The following RELL1 variants were observed in gnomAD, a reference collection of about 807,000 sequenced individuals.
The protein encoded by RELL1 is RELT like 1, also known as RELT-like protein 1.
In RELL1, 10 loss-of-function variants were observed where a neutral mutation model predicts 23.0. That is an observed-to-expected ratio of 0.43 (90% CI 0.27 to 0.74). RELL1 has a LOEUF of 0.74. RELL1 is among the 30% of genes least tolerant of loss of function. The pLI, the probability that RELL1 is intolerant of heterozygous loss-of-function variation, is 0.19. For missense variants in RELL1, 315 were observed against 364.4 expected (o/e 0.86, Z 1.10); for synonymous variants, 146 against 146.8 (o/e 0.99, Z 0.04).
intron 1 of RELL1, among the ~76,000 whole-genome samples, chr4:37,684,084 A>G (rs1292381028): frequency 6.6e-6 from 1 of 152,210 alleles, no homozygotes; most frequent in Non-Finnish European, 1.5e-5. Flanking sequence ...TCAAAAAGAA[A>G]AAAATAAATA....
intron 6 of RELL1, among the ~76,000 whole-genome samples, chr4:37,625,703 C>G (rs1247432136): frequency 6.6e-6 from 1 of 151,972 alleles, no homozygotes; most frequent in Non-Finnish European, 1.5e-5. Context: ...AATATGGTGG[C>G]TACAGTTAAT....
intron 4 of RELL1, among the ~76,000 whole-genome samples, chr4:37,635,572 G>A (rs375684093): frequency 6.6e-6 from 1 of 152,086 alleles, no homozygotes; most frequent in South Asian, 2.1e-4. Flanking sequence ...GGTTGCAGTA[G>A]CTATGATTGT....
chr4:37,604,706 A>C (rs1719106083), intron 6 of RELL1, among the ~76,000 whole-genome samples: 1 of 152,004 alleles, frequency 6.6e-6, no homozygotes, highest in South Asian at 2.1e-4. Flanking sequence ...GAGCTGACTT[A>C]AGAAACTTTG....
Position 37,686,361 on chromosome 4 carries a change from G to C in RELL1, c.-74C>G, listed in dbSNP as rs528999720. The C allele has an allele frequency of 1.1e-5, 13 of 1,223,084 alleles. No individual in the cohort carries two copies. The East Asian group carries it at 2.5e-4, about 24-fold the overall frequency. 75.8% of individuals were successfully genotyped at this position (1,223,084 alleles called of 1,614,324 possible). A position where few individuals can be genotyped will look rare whatever the true frequency, so the allele number is the denominator to read the frequency against. On this transcript the variant is annotated 5_prime_UTR_variant, in exon 1 of 7. Coordinates refer to ENST00000454158, the MANE Select transcript of RELL1 (RefSeq NM_001085400.2). ...GGGAAGGCAGAGCCGCTCCGGAGCC[G>C]GCGGGCTGATCGAGTGGCTGGGCTG...
At chr4:37,588,939 G>A, downstream of RELL1, 1 of 1,514,212 alleles carries the variant, frequency 6.6e-7, no homozygotes, top group Admixed American at 1.7e-5. Flanking sequence ...GGAGGAATTT[G>A]TGATGAGCGT....
At chr4:37,632,085 A>G (rs1244642730) in intron 5 of RELL1, among the ~76,000 whole-genome samples, 1 of 17,342 alleles carries the variant, frequency 5.8e-5, no homozygotes, top group Non-Finnish European at 1.1e-4. Context: ...CTCAATAAGG[A>G]AAAAAAAAAA....
chr4:37,596,736 A>ATATTT (rs1365185216), intron 6 of RELL1, among the ~76,000 whole-genome samples: 1 of 16,508 alleles, frequency 6.1e-5, no homozygotes, highest in Non-Finnish European at 1.5e-4. Flanking sequence ...ATATATATAT[A>ATATTT]TTTTTTTTTT....
At chr4:37,633,819 A>C (rs1244817378) in intron 5 of RELL1, among the ~76,000 whole-genome samples, 2 of 152,224 alleles carry the variant, frequency 1.3e-5, no homozygotes, top group Non-Finnish European at 2.9e-5. Flanking sequence ...CTCACTTTAC[A>C]GAGGGGGAAA....
chr4:37,604,503 A>G (rs1429717594), intron 6 of RELL1, among the ~76,000 whole-genome samples: 1 of 152,096 alleles, frequency 6.6e-6, no homozygotes, highest in Non-Finnish European at 1.5e-5. Context: ...TTTCAAGGAC[A>G]TACACACGCG....
chr4:37,671,880 C>T (rs1721846820), intron 1 of RELL1, among the ~76,000 whole-genome samples: 1 of 151,894 alleles, frequency 6.6e-6, no homozygotes. Flanking sequence ...TTTTGGGCAA[C>T]AATGACTCAC....
At chr4:37,624,968 G>A (rs1183221870) in intron 6 of RELL1, among the ~76,000 whole-genome samples, 1 of 152,184 alleles carries the variant, frequency 6.6e-6, no homozygotes, top group Non-Finnish European at 1.5e-5. Context: ...CAGATACTCT[G>A]TGCCAAGGAT....
downstream of RELL1, among the ~76,000 whole-genome samples, chr4:37,606,966 C>A (rs1349708699): frequency 5.3e-5 from 8 of 152,190 alleles, no homozygotes; most frequent in African/African-American, 1.9e-4. The surrounding 1 kb of genome is among the most constrained non-coding windows in gnomAD (Gnocchi z 4.1). Flanking sequence ...GTAATATGTA[C>A]CATCACGTTC....
intron 1 of RELL1, among the ~76,000 whole-genome samples, chr4:37,664,947 C>T (rs764698338): frequency 1.3e-5 from 2 of 152,080 alleles, no homozygotes; most frequent in African/African-American, 4.8e-5. Context: ...GCCGGAAAAC[C>T]CTGACTGAAG....
At chr4:37,605,875 A>C (rs1577559148), downstream of RELL1, among the ~76,000 whole-genome samples, 1 of 145,042 alleles carries the variant, frequency 6.9e-6, no homozygotes, top group African/African-American at 2.5e-5. Flanking sequence ...AGAGAAAGGA[A>C]AGAAGGAAAG....
At chr4:37,643,254 A>T (rs1015848917) in intron 3 of RELL1, among the ~76,000 whole-genome samples, 1 of 151,812 alleles carries the variant, frequency 6.6e-6, no homozygotes, top group Non-Finnish European at 1.5e-5. Context: ...TTGTGTGAGG[A>T]TGGAGACAAC....
rs767311151 is a variant in RELL1 at position 37,686,220 on chromosome 4, C to A, written c.68G>T (p.Ser23Ile). ...CTCACCCGGAGCCACCAGCGGCGAA[C>A]TCACGGCGCCTCCCACGAAGACAGC... ...AAAVFVGGAVSSPLVAPDNGS... is the reference protein window; with the variant it reads ...AAAVFVGGAVISPLVAPDNGS... The change falls in exon 1 of 7, where the codon AGT becomes ATT. Residue 23 changes from serine (S) to isoleucine (I), a missense_variant. Coordinates refer to ENST00000454158, the MANE Select transcript of RELL1 (RefSeq NM_001085400.2). 5 of 1,580,948 alleles carry A rather than the reference C, an allele frequency of 3.2e-6. No individual in the cohort carries two copies. The African/African-American group carries it at 5.6e-5, about 18-fold the overall frequency.
intron 1 of RELL1, among the ~76,000 whole-genome samples, chr4:37,663,166 T>C (rs1024079296): frequency 1.3e-5 from 2 of 152,140 alleles, no homozygotes; most frequent in Non-Finnish European, 2.9e-5. Flanking sequence ...CCCATCTTCT[T>C]TTCCTGTTCT....
chr4:37,622,521 T>C (rs1349527013), intron 6 of RELL1, among the ~76,000 whole-genome samples: 1 of 152,230 alleles, frequency 6.6e-6, no homozygotes, highest in Non-Finnish European at 1.5e-5. Flanking sequence ...AAATTCCATT[T>C]CAAACACTTG....
At chr4:37,679,687 G>C (rs949177022) in intron 1 of RELL1, among the ~76,000 whole-genome samples, 2 of 152,114 alleles carry the variant, frequency 1.3e-5, no homozygotes, top group African/African-American at 2.4e-5. Context: ...GGGTGTGGTG[G>C]TGCATCCCTA....
Sources: allele counts gnomAD v4.1 joint callset (sites outside exome capture counted in the v4.1 genomes callset), GRCh38; gene constraint gnomAD v4.1.1; non-coding constraint Gnocchi (gnomAD v3.1); transcripts MANE v1.5; gene names NCBI Gene and HGNC (gene_info 2026-07-23, HGNC 2026-07-21).